The following PXDNL variants were observed in gnomAD, a reference collection of about 807,000 sequenced individuals.
PXDNL encodes the protein probable oxidoreductase PXDNL.
A neutral mutation model predicts 150.8 loss-of-function variants in PXDNL; 145 were observed. The observed-to-expected ratio is 0.96, with a 90% CI of 0.84 to 1.10. The LOEUF (loss-of-function observed/expected upper bound fraction) is 1.10. PXDNL is among the 50% of genes least tolerant of loss of function. PXDNL has a pLI of 0.00. For synonymous variants in PXDNL, 757 were observed against 725.7 expected (o/e 1.04, Z -0.69); for missense variants, 2,087 against 1,873.9 (o/e 1.11, Z -2.10).
chr8:51,495,824 G>A (rs1171800650), intron 5 of PXDNL, among the ~76,000 whole-genome samples: 1 of 152,072 alleles, frequency 6.6e-6, no homozygotes, highest in Non-Finnish European at 1.5e-5. Flanking sequence ...GGACCAGAAG[G>A]AGTCACAGCC....
intron 12 of PXDNL, among the ~76,000 whole-genome samples, chr8:51,444,371 A>T (rs555936136): frequency 6.6e-6 from 1 of 152,312 alleles, no homozygotes; most frequent in South Asian, 2.1e-4. Context: ...TCAACCAGCA[A>T]CCACAGAACA....
At position 51,608,038 on chromosome 8, in the gene PXDNL, AAAGAAAGAAAGAAAGAAAGCAAGC is replaced by A. The variant is rs1813890163; in HGVS notation, c.237-15364_237-15341del. Among the ~76,000 whole-genome samples, 7 of 112,570 alleles carry A rather than the reference AAAGAAAGAAAGAAAGAAAGCAAGC, an allele frequency of 6.2e-5. No individual in the cohort carries two copies. In the South Asian group the frequency reaches 1.1e-3, roughly 18 times the overall value. The allele number at this position is 112,570 out of a possible 152,430, so 73.9% of individuals were successfully genotyped here. ...GAAAGAAAGAAAGAAAGAAAGAAAGAAAGAAAGAAAGAAAGAAAGCAAGCAAGCAAGCAAGCAAGCAAGCAAGCA... is the reference window on the plus strand; with the variant it reads ...GAAAGAAAGAAAGAAAGAAAGAAAGAAAGCAAGCAAGCAAGCAAGCAAGCA... On this transcript the variant is annotated intron_variant, in intron 2 of 22. Transcript: ENST00000356297.
chr8:51,456,636 TTTA>T (rs1171658347), intron 9 of PXDNL, among the ~76,000 whole-genome samples: 1 of 152,222 alleles, frequency 6.6e-6, no homozygotes, highest in Non-Finnish European at 1.5e-5. Context: ...TTTACTACAT[TTTA>T]TTATTATCTT....
chr8:51,575,532 T>A (rs1054329902), intron 3 of PXDNL, among the ~76,000 whole-genome samples: 11 of 151,964 alleles, frequency 7.2e-5, no homozygotes, highest in African/African-American at 2.4e-4. Flanking sequence ...TTGGCCAATA[T>A]GGTGAAACCC....
chr8:51,688,977 TG>T (rs1321868237), intron 1 of PXDNL, among the ~76,000 whole-genome samples: 15 of 152,168 alleles, frequency 9.9e-5, no homozygotes, highest in African/African-American at 3.4e-4. Context: ...AGACATCTCT[TG>T]GCTGGATGGG....
At chr8:51,624,099 CAAAAAAAA>C (rs59841822) in intron 2 of PXDNL, among the ~76,000 whole-genome samples, 149 of 79,620 alleles carry the variant, frequency 1.9e-3, no homozygotes, top group African/African-American at 6.5e-3. Flanking sequence ...TCTCAAATTA[CAAAAAAAA>C]AAAAAAAAAA....
At chr8:51,513,761 G>A (rs913826678) in intron 4 of PXDNL, among the ~76,000 whole-genome samples, 1 of 152,124 alleles carries the variant, frequency 6.6e-6, no homozygotes, top group Non-Finnish European at 1.5e-5. Flanking sequence ...ACTGTAAAAA[G>A]TTATATTTAA....
In PXDNL at chr8:51,558,745, G is replaced by C. The variant is rs113750351; in HGVS notation, c.309-1834C>G. ...GAAAAGAGCAGAACTTCTGCAATCA[G>C]ATCTGCACAAATTGATTAAATCAGT... On this transcript the variant is annotated intron_variant, in intron 3 of 22. Transcript: ENST00000356297. Among the ~76,000 whole-genome samples, 941 of 152,144 alleles carry C rather than the reference G, an allele frequency of 6.2e-3. 3 individuals are homozygous for C. The highest frequency in any genetic ancestry group is 0.022 in the African/African-American group (895 of 41,530).
intron 21 of PXDNL, among the ~76,000 whole-genome samples, chr8:51,328,985 C>CT (rs575075827): frequency 4.1e-4 from 62 of 152,304 alleles, no homozygotes; most frequent in Non-Finnish European, 7.5e-4. Context: ...CTACTCCAGG[C>CT]TTCCTGACTC....
chr8:51,647,495 T>G (rs141741747), intron 2 of PXDNL, among the ~76,000 whole-genome samples: 2 of 152,324 alleles, frequency 1.3e-5, no homozygotes, highest in East Asian at 3.9e-4. Context: ...TGCAAGCCTT[T>G]TGAAAAATAC....
In PXDNL at chr8:51,503,097, T is replaced by C. The variant is rs565276089; in HGVS notation, c.381-3327A>G. ...AATGCACCCACTGAGAGCCCACTAATCACAGAGCCCTGTCTATTCCCCATT... is the reference window on the plus strand; with the variant it reads ...AATGCACCCACTGAGAGCCCACTAACCACAGAGCCCTGTCTATTCCCCATT... On this transcript the variant is annotated intron_variant, in intron 4 of 22. Coordinates refer to ENST00000356297, the MANE Select transcript of PXDNL (RefSeq NM_144651.5). Among the ~76,000 whole-genome samples, 3 of 152,200 alleles carry C rather than the reference T, an allele frequency of 2.0e-5. No homozygotes were observed. In the South Asian group the frequency reaches 6.2e-4, roughly 32 times the overall value.
chr8:51,385,157 G>A (rs1807660856), intron 17 of PXDNL, among the ~76,000 whole-genome samples: 2 of 152,030 alleles, frequency 1.3e-5, no homozygotes, highest in Admixed American at 1.3e-4. Context: ...AACTCCAGTG[G>A]AGAAATTTGC....
chr8:51,663,186 G>A (rs1267838525), intron 1 of PXDNL, among the ~76,000 whole-genome samples: 1 of 152,186 alleles, frequency 6.6e-6, no homozygotes, highest in East Asian at 1.9e-4. Flanking sequence ...TGGCCCTCAA[G>A]TGTATCTGCT....
intron 14 of PXDNL, among the ~76,000 whole-genome samples, chr8:51,417,823 G>A (rs1808837482): frequency 6.6e-6 from 1 of 152,132 alleles, no homozygotes; most frequent in African/African-American, 2.4e-5. Flanking sequence ...TTAAACAGCA[G>A]AGAATCTGTC....
chr8:51,709,285 C>CA (rs1219206431), intron 1 of PXDNL, among the ~76,000 whole-genome samples: 1 of 151,430 alleles, frequency 6.6e-6, no homozygotes, highest in Non-Finnish European at 1.5e-5. Context: ...GACGGAGTCT[C>CA]ACTCTGTTGC....
At chr8:51,755,327 T>G (rs1384289120) in intron 1 of PXDNL, among the ~76,000 whole-genome samples, 2 of 151,480 alleles carry the variant, frequency 1.3e-5, no homozygotes, top group Non-Finnish European at 2.9e-5. Flanking sequence ...AGAGTCTCGC[T>G]GTTGTCGCCC....
chr8:51,671,189 T>C (rs1056899564), intron 1 of PXDNL, among the ~76,000 whole-genome samples: 6 of 152,354 alleles, frequency 3.9e-5, no homozygotes, highest in East Asian at 1.9e-4. Context: ...TATATCCTTA[T>C]TTGGAAGAGA....
intron 1 of PXDNL, among the ~76,000 whole-genome samples, chr8:51,779,318 C>T (rs1299989802): frequency 1.3e-5 from 2 of 152,136 alleles, no homozygotes; most frequent in African/African-American, 2.4e-5. Context: ...GATCTGACGG[C>T]GAGGCGAAGT....
intron 4 of PXDNL, among the ~76,000 whole-genome samples, chr8:51,535,914 G>T (rs570667538): frequency 1.3e-5 from 2 of 151,916 alleles, no homozygotes; most frequent in Non-Finnish European, 2.9e-5. Flanking sequence ...CCCTGCATTC[G>T]CTCTCTTTTA....
Sources: gnomAD v4.1 joint callset for allele counts (sites outside exome capture counted in the v4.1 genomes callset) on GRCh38, gnomAD v4.1.1 for gene constraint, MANE v1.5 for transcripts, NCBI Gene and HGNC (gene_info 2026-07-23, HGNC 2026-07-21) for gene names.